Variants in PLXDC2 observed in about 807,000 individuals in gnomAD.
The protein encoded by PLXDC2 is plexin domain-containing protein 2.
PLXDC2 carries 40 observed loss-of-function variants against 68.9 expected under a neutral mutation model. The ratio of observed to expected loss-of-function variants is 0.58; its 90% CI spans 0.45 to 0.76. PLXDC2 has a LOEUF of 0.76. Ranked by LOEUF, PLXDC2 falls within the 30% of genes least tolerant of loss-of-function variation. PLXDC2 has a pLI of 0.00. For missense variants in PLXDC2, 644 were observed against 661.9 expected (o/e 0.97, Z 0.30); for synonymous variants, 243 against 234.2 (o/e 1.04, Z -0.34).
intron 1 of PLXDC2, among the ~76,000 whole-genome samples, chr10:19,985,900 C>T (rs945635705): frequency 2.6e-5 from 4 of 152,164 alleles, no homozygotes; most frequent in African/African-American, 9.7e-5. Flanking sequence ...ACGGTTTCTT[C>T]TCACCTTCCC....
chr10:20,054,013 A>G (rs968279636), intron 3 of PLXDC2, among the ~76,000 whole-genome samples: 1 of 152,140 alleles, frequency 6.6e-6, no homozygotes, highest in African/African-American at 2.4e-5. Context: ...GAAAGTAGTT[A>G]AAGCATTAAA....
intron 11 of PLXDC2, 116 bp from the exon 12 acceptor site, chr10:20,218,948 T>C (rs953687076): frequency 2.7e-6 from 3 of 1,104,698 alleles, no homozygotes; most frequent in Non-Finnish European, 3.9e-6. Context: ...CAATAAATTA[T>C]CAAAATCTAG....
intron 4 of PLXDC2, among the ~76,000 whole-genome samples, chr10:20,078,203 CTT>C (rs1314651617): frequency 6.6e-6 from 1 of 151,946 alleles, no homozygotes; most frequent in African/African-American, 2.4e-5. Flanking sequence ...CACGGTGAGA[CTT>C]TATCTCTTCA....
chr10:19,986,138 CT>C (rs998719313), intron 1 of PLXDC2, among the ~76,000 whole-genome samples: 10 of 151,496 alleles, frequency 6.6e-5, no homozygotes, highest in South Asian at 2.1e-4. Context: ...GAAAGCACTT[CT>C]TTTTTTTTCA....
intron 9 of PLXDC2, among the ~76,000 whole-genome samples, chr10:20,199,909 A>G (rs1243383884): frequency 6.6e-6 from 1 of 151,942 alleles, no homozygotes; most frequent in Admixed American, 6.6e-5. Context: ...AAAAATATGT[A>G]TTTTTAAATT....
chr10:20,123,684 C>G (rs10827969), intron 4 of PLXDC2, among the ~76,000 whole-genome samples: 1 of 150,894 alleles, frequency 6.6e-6, no homozygotes, highest in Non-Finnish European at 1.5e-5. Context: ...AGTAGAGACA[C>G]GGAGGGAAGG....
intron 1 of PLXDC2, among the ~76,000 whole-genome samples, chr10:19,863,339 C>T (rs1459515132): frequency 6.6e-6 from 1 of 152,156 alleles, no homozygotes; most frequent in African/African-American, 2.4e-5. Context: ...GAAACAGCTG[C>T]CGGCTGACAT....
intron 1 of PLXDC2, among the ~76,000 whole-genome samples, chr10:19,960,711 A>T (rs1292851019): frequency 6.6e-6 from 1 of 152,008 alleles, no homozygotes; most frequent in African/African-American, 2.4e-5. Context: ...TTATCCCTTG[A>T]CCAAGGAATT....
chr10:20,086,612 G>A (rs1316655962), intron 4 of PLXDC2, among the ~76,000 whole-genome samples: 2 of 152,022 alleles, frequency 1.3e-5, no homozygotes, highest in South Asian at 2.1e-4. Context: ...AATTTGGGAC[G>A]GCCTCTTCAA....
rs998560120 is a variant in PLXDC2 at position 20,003,098 on chromosome 10, C to G, written c.324+1112C>G. Among the ~76,000 whole-genome samples the G allele has an allele frequency of 2.0e-5, 3 of 152,068 alleles. No individual in the cohort carries two copies. In the South Asian group the frequency reaches 6.2e-4, roughly 31 times the overall value. On this transcript the variant is annotated intron_variant, in intron 2 of 13. Coordinates refer to ENST00000377252, the MANE Select transcript of PLXDC2 (RefSeq NM_032812.9). Reference sequence around the variant, plus strand: ...ATTTTAGGCAGATTTCAGGGTTGCTCGAAGGCCTCAAAGGTGGTGTTATTT... The same window carrying G: ...ATTTTAGGCAGATTTCAGGGTTGCTGGAAGGCCTCAAAGGTGGTGTTATTT...
At chr10:20,047,130 T>C in intron 3 of PLXDC2, 115 bp downstream of exon 3, 2 of 1,049,798 alleles carry the variant, frequency 1.9e-6, no homozygotes, top group Non-Finnish European at 2.6e-6. Context: ...AATGGCCTTA[T>C]CTGTGGTAAT....
intron 9 of PLXDC2, among the ~76,000 whole-genome samples, chr10:20,178,008 A>T (rs1834552403): frequency 6.6e-6 from 1 of 152,114 alleles, no homozygotes; most frequent in African/African-American, 2.4e-5. Context: ...AGAGCAGTTG[A>T]TGAGCCTATA....
intron 10 of PLXDC2, among the ~76,000 whole-genome samples, chr10:20,216,552 T>C (rs1835140701): frequency 1.3e-5 from 2 of 152,142 alleles, no homozygotes; most frequent in South Asian, 4.1e-4. Flanking sequence ...GCTCCACTAA[T>C]GATGAGAGAA....
intron 1 of PLXDC2, among the ~76,000 whole-genome samples, chr10:19,845,858 G>T (rs951157217): frequency 6.6e-6 from 1 of 152,130 alleles, no homozygotes; most frequent in African/African-American, 2.4e-5. Flanking sequence ...ACTCCCAGGT[G>T]TTACCATAGT....
At chr10:19,907,514 G>T (rs1390555565) in intron 1 of PLXDC2, among the ~76,000 whole-genome samples, 1 of 152,106 alleles carries the variant, frequency 6.6e-6, no homozygotes, top group Non-Finnish European at 1.5e-5. Flanking sequence ...GCAAAACAAA[G>T]CAGAACAGCA....
rs1340971377 is a variant in PLXDC2 at position 20,283,474 on chromosome 10, A to T, written c.*3655A>T. On this transcript the variant is annotated 3_prime_UTR_variant, in exon 14 of 14. Transcript: ENST00000377252. ...AAAGGAAGAATAGTTCATCAGTGCA[A>T]AAAGCGTTCAAAGGTAATCAGTTCA... 1 of 152,244 alleles carries T rather than the reference A, an allele frequency of 6.6e-6. No homozygotes were observed. Among genetic ancestry groups the T allele is most frequent in the Non-Finnish European group, 1.5e-5 (1 of 68,042 alleles). 9.4% of individuals were successfully genotyped at this position (152,244 alleles called of 1,614,324 possible).
chr10:19,881,441 T>C (rs571904841), intron 1 of PLXDC2, among the ~76,000 whole-genome samples: 13 of 152,252 alleles, frequency 8.5e-5, no homozygotes, highest in African/African-American at 3.1e-4. Context: ...GAATGGAGCC[T>C]TTCACTTTCC....
At chr10:19,917,554 A>G (rs895993761) in intron 1 of PLXDC2, among the ~76,000 whole-genome samples, 4 of 152,180 alleles carry the variant, frequency 2.6e-5, no homozygotes, top group African/African-American at 9.6e-5. Flanking sequence ...AATCCTTTTC[A>G]GCAATGAAAG....
At chr10:19,943,845 G>A (rs1345920890) in intron 1 of PLXDC2, among the ~76,000 whole-genome samples, 1 of 152,162 alleles carries the variant, frequency 6.6e-6, no homozygotes, top group Non-Finnish European at 1.5e-5. Context: ...TGAATGAGCA[G>A]GTAATAATAA....
Sources: allele counts gnomAD v4.1 joint callset (sites outside exome capture counted in the v4.1 genomes callset), GRCh38; gene constraint gnomAD v4.1.1; transcripts MANE v1.5; gene names NCBI Gene and HGNC (gene_info 2026-07-23, HGNC 2026-07-21).